The following VSTM4 variants were observed in gnomAD, a reference collection of about 807,000 sequenced individuals.
VSTM4 encodes V-set and transmembrane domain-containing protein 4.
In VSTM4, 20 loss-of-function variants were observed where a neutral mutation model predicts 36.4. The observed-to-expected ratio is 0.55, with a 90% CI of 0.39 to 0.80. VSTM4 has a LOEUF of 0.80. VSTM4 is among the 30% of genes least tolerant of loss of function. The probability of loss-of-function intolerance (pLI) is 0.00; values close to 1 mark genes in which losing one functional copy is unlikely to be tolerated. For missense variants in VSTM4, 392 were observed against 404.5 expected (o/e 0.97, Z 0.26); for synonymous variants, 182 against 173.9 (o/e 1.05, Z -0.37).
In VSTM4 at chr10:49,077,337, A is replaced by G; in HGVS notation, c.527-11T>C. The G allele has an allele frequency of 6.2e-7, 1 of 1,614,020 alleles. No individual in the cohort carries two copies. The highest frequency in any genetic ancestry group is 1.1e-5 in the South Asian group (1 of 91,082). The stretch of plus-strand genomic sequence containing the variant: ...CATACACATAGAGATCTGAAAGGCA[A>G]GGACAGACACGTGAGTCAGCCTTCT... On this transcript the variant is annotated splice_polypyrimidine_tract_variant and intron_variant, in intron 3 of 7. Coordinates refer to ENST00000332853, the MANE Select transcript of VSTM4 (RefSeq NM_001031746.5).
intron 2 of VSTM4, among the ~76,000 whole-genome samples, chr10:49,089,433 A>AT (rs1564590165): frequency 1.3e-5 from 2 of 152,186 alleles, no homozygotes; most frequent in African/African-American, 4.8e-5. Flanking sequence ...CCTTCGGGTC[A>AT]TTTTTTATGC....
At chr10:49,095,515 A>T (rs1237669038) in intron 2 of VSTM4, among the ~76,000 whole-genome samples, 1 of 152,076 alleles carries the variant, frequency 6.6e-6, no homozygotes, top group Non-Finnish European at 1.5e-5. Context: ...AATTGCAAAC[A>T]TGCATCTAAG....
chr10:49,015,601 A>T lies in VSTM4; in HGVS notation c.*4049T>A, dbSNP rs1168132632. 3 of 152,132 alleles carry T rather than the reference A, an allele frequency of 2.0e-5. No individual in the cohort carries two copies. The highest frequency in any genetic ancestry group is 4.4e-5 in the Non-Finnish European group (3 of 68,064). 9.4% of individuals were successfully genotyped at this position (152,132 alleles called of 1,614,324 possible). Reference sequence around the variant, plus strand: ...TGTTTGGTTTTCCTTCCTGATGAACAGTTTCTATCCTATGTATGGAGATGG... The same window carrying T: ...TGTTTGGTTTTCCTTCCTGATGAACTGTTTCTATCCTATGTATGGAGATGG... On this transcript the variant is annotated 3_prime_UTR_variant, in exon 8 of 8. Coordinates refer to ENST00000332853, the MANE Select transcript of VSTM4 (RefSeq NM_001031746.5).
intron 2 of VSTM4, among the ~76,000 whole-genome samples, chr10:49,106,428 C>T (rs909509688): frequency 6.6e-6 from 1 of 152,116 alleles, no homozygotes; most frequent in African/African-American, 2.4e-5. Flanking sequence ...GGTGTCTTCC[C>T]GAATAGAAAC....
chr10:49,028,818 A>G (rs1312528293), intron 7 of VSTM4, among the ~76,000 whole-genome samples: 3 of 152,252 alleles, frequency 2.0e-5, no homozygotes, highest in African/African-American at 2.4e-5. Context: ...TAATACCATT[A>G]TCACAGCAAC....
At chr10:49,039,076 C>T (rs77281622) in intron 7 of VSTM4, among the ~76,000 whole-genome samples, 7 of 152,116 alleles carry the variant, frequency 4.6e-5, no homozygotes, top group African/African-American at 9.7e-5. Flanking sequence ...AGGTCACTGA[C>T]GTGAACAGGC....
At chr10:49,063,227 C>G (rs11100981) in intron 5 of VSTM4, among the ~76,000 whole-genome samples, 9 of 152,028 alleles carry the variant, frequency 5.9e-5, no homozygotes, top group Non-Finnish European at 8.8e-5. Flanking sequence ...GTAATCCCAG[C>G]TACTTGAGAG....
intron 7 of VSTM4, among the ~76,000 whole-genome samples, chr10:49,045,202 T>TTCTCTCTC (rs55748405): frequency 1.3e-5 from 2 of 148,406 alleles, no homozygotes; most frequent in East Asian, 2.0e-4. Context: ...CAGTCTTTCT[T>TTCTCTCTC]TCTCTCTCTC....
intron 2 of VSTM4, chr10:49,103,888 C>A (rs1844715980): frequency 1.2e-6 from 2 of 1,605,546 alleles, no homozygotes. Flanking sequence ...GTGACATGAG[C>A]AGGTTAGACA....
At chr10:49,105,387 A>G (rs1351158863) in intron 2 of VSTM4, among the ~76,000 whole-genome samples, 1 of 151,724 alleles carries the variant, frequency 6.6e-6, no homozygotes, top group Non-Finnish European at 1.5e-5. Context: ...AGAGACAGAA[A>G]GAGAGAGAAA....
intron 1 of VSTM4, 103 bp downstream of exon 1, chr10:49,115,328 C>T: frequency 1.2e-6 from 1 of 800,408 alleles, no homozygotes; most frequent in Non-Finnish European, 1.5e-6. Flanking sequence ...CGCCCGCGCC[C>T]GGAGGTGGCA....
chr10:49,024,875 G>A (rs1481305272), intron 7 of VSTM4, among the ~76,000 whole-genome samples: 4 of 152,138 alleles, frequency 2.6e-5, no homozygotes, highest in Admixed American at 6.5e-5. Flanking sequence ...ACTGAATCTT[G>A]TTCCCCAAAT....
intron 1 of VSTM4, among the ~76,000 whole-genome samples, chr10:49,112,854 G>T (rs1844922111): frequency 6.6e-6 from 1 of 152,196 alleles, no homozygotes; most frequent in South Asian, 2.1e-4. Context: ...TAACCCCCTT[G>T]CTTATATTTG....
At chr10:49,046,881 T>C in intron 7 of VSTM4, 102 bp downstream of exon 7, 2 of 1,222,792 alleles carry the variant, frequency 1.6e-6, no homozygotes, top group Non-Finnish European at 2.4e-6. Flanking sequence ...CAAAAGTTTC[T>C]AAAACTTTCT....
chr10:49,108,068 A>G, intron 1 of VSTM4, 73 bp from the exon 2 acceptor site: 19 of 1,469,286 alleles, frequency 1.3e-5, no homozygotes, highest in Non-Finnish European at 1.7e-5. Context: ...ACAGTCGAGG[A>G]GCCAGGAAAT....
intron 5 of VSTM4, among the ~76,000 whole-genome samples, chr10:49,054,486 C>T (rs769158315): frequency 2.6e-5 from 4 of 152,092 alleles, no homozygotes; most frequent in Non-Finnish European, 4.4e-5. Flanking sequence ...GAGAAGGAAG[C>T]GCAGAGGAGG....
At chr10:49,051,555 C>T (rs1313211728) in intron 5 of VSTM4, among the ~76,000 whole-genome samples, 1 of 152,126 alleles carries the variant, frequency 6.6e-6, no homozygotes, top group African/African-American at 2.4e-5. Flanking sequence ...GCCACCATGC[C>T]CAGCTAATTT....
intron 5 of VSTM4, among the ~76,000 whole-genome samples, chr10:49,052,277 T>C (rs1190417006): frequency 6.6e-6 from 1 of 152,228 alleles, no homozygotes; most frequent in African/African-American, 2.4e-5. Flanking sequence ...TAACACCACT[T>C]GTCAATTTTT....
intron 2 of VSTM4, among the ~76,000 whole-genome samples, chr10:49,087,004 A>C (rs1207517422): frequency 2.6e-5 from 4 of 152,376 alleles, no homozygotes; most frequent in Non-Finnish European, 5.9e-5. Flanking sequence ...CCTAGAACTT[A>C]AATTCGATTT....
Sources: gnomAD v4.1 joint callset for allele counts (sites outside exome capture counted in the v4.1 genomes callset) on GRCh38, gnomAD v4.1.1 for gene constraint, MANE v1.5 for transcripts, NCBI Gene and HGNC (gene_info 2026-07-23, HGNC 2026-07-21) for gene names.